The following PCDHA1 variants were observed in gnomAD, a reference collection of about 807,000 sequenced individuals.
The protein encoded by PCDHA1 is protocadherin alpha-1.
PCDHA1 carries 42 observed loss-of-function variants against 61.3 expected under a neutral mutation model. The observed-to-expected ratio is 0.69, with a 90% confidence interval of 0.54 to 0.89. PCDHA1 has a LOEUF of 0.89. PCDHA1 is among the 40% of genes least tolerant of loss of function. The pLI, the probability that PCDHA1 is intolerant of heterozygous loss-of-function variation, is 0.00. For missense variants in PCDHA1, 1,256 were observed against 1,235.3 expected, an observed-to-expected ratio of 1.02 and a Z score of -0.25; for synonymous variants, 610 against 553.8, an observed-to-expected ratio of 1.10 and a Z score of -1.43.
chr5:140,866,441 G>A (rs1313181432), intron 1 of PCDHA1: 1 of 151,728 alleles, frequency 6.6e-6, no homozygotes, highest in African/African-American at 2.4e-5. Flanking sequence ...GTCTTCTTCA[G>A]TCTTATTGTT....
intron 1 of PCDHA1, chr5:140,849,742 A>G: frequency 6.3e-7 from 1 of 1,598,398 alleles, no homozygotes; most frequent in South Asian, 1.1e-5. Context: ...CTGGACCGCG[A>G]GAGTGTGTCC....
chr5:140,847,204 C>G (rs916100190), intron 1 of PCDHA1, among the ~76,000 whole-genome samples: 5 of 149,612 alleles, frequency 3.3e-5, no homozygotes, highest in African/African-American at 1.2e-4. Flanking sequence ...TTTGGCCACT[C>G]TTTAGAATTA....
At chr5:140,830,392 G>T in intron 1 of PCDHA1, 2 of 1,614,160 alleles carry the variant, frequency 1.2e-6, no homozygotes, top group Non-Finnish European at 8.5e-7. Flanking sequence ...CACCCAAGAT[G>T]GATCTCATGG....
rs188796483 is a variant in PCDHA1 at position 140,869,402 on chromosome 5, C to T, written c.2394+80718C>T. On this transcript the variant is annotated intron_variant, in intron 1 of 3. Transcript: ENST00000504120. The stretch of plus-strand genomic sequence containing the variant: ...CGCGAGGAGCTGTGCGGGCAGAGCG[C>T]GGAGTGCAGCATCCACCTGGAGGTG... 9.6e-4 allele frequency: 1,554 copies of T among 1,614,178 alleles called. 9 individuals are homozygous for T. The highest frequency in any genetic ancestry group is 2.2e-4 in the Non-Finnish European group (262 of 1,180,040).
chr5:140,853,310 T>C lies in PCDHA1; in HGVS notation c.2394+64626T>C, dbSNP rs2042704013. On this transcript the variant is annotated intron_variant, in intron 1 of 3. Coordinates refer to ENST00000504120, the MANE Select transcript of PCDHA1 (RefSeq NM_018900.4). ...ATTCTCAGAAGGGCTGTGAACACCT[T>C]AGTAATAAATTTATCTTTTGAGGTC... The C allele has an allele frequency of 3.0e-6, 3 of 983,796 alleles. 1 individual carries two copies. The highest frequency in any genetic ancestry group is 3.7e-6 in the Non-Finnish European group (3 of 816,256). 60.9% of individuals were successfully genotyped at this position (983,796 alleles called of 1,614,324 possible). A position where few individuals can be genotyped will look rare whatever the true frequency, so the allele number is the denominator to read the frequency against.
rs144585858 is a variant in PCDHA1 at position 140,984,129 on chromosome 5, G to A, written c.2542+1566G>A. On this transcript the variant is annotated intron_variant, in intron 3 of 3. Transcript: ENST00000504120. The stretch of plus-strand genomic sequence containing the variant: ...GGTTTTAGACTGCCAAGTGTTGCAG[G>A]ATGTGGAGGCATCTGGGAAGGTGAG... 1.3e-3 allele frequency among the ~76,000 whole-genome samples: 205 copies of A among 152,236 alleles called. 1 individual carries two copies. Among genetic ancestry groups the A allele is most frequent in the Non-Finnish European group, 2.6e-3 (175 of 68,046 alleles).
chr5:140,892,069 A>G (rs1554185062), intron 1 of PCDHA1, among the ~76,000 whole-genome samples: 3 of 152,208 alleles, frequency 2.0e-5, no homozygotes, highest in Non-Finnish European at 2.9e-5. Flanking sequence ...GTTACTTTGT[A>G]TAATTTCTAG....
intron 1 of PCDHA1, chr5:140,842,103 T>C: frequency 6.2e-7 from 1 of 1,613,846 alleles, no homozygotes; most frequent in Non-Finnish European, 8.5e-7. Flanking sequence ...GGAACAACAG[T>C]TATCAAACTG....
At chr5:140,830,447 G>GCGGAGAAT in intron 1 of PCDHA1, 1 of 1,601,744 alleles carries the variant, frequency 6.2e-7, no homozygotes, top group Middle Eastern at 1.7e-4. Flanking sequence ...GATGGGTAAG[G>GCGGAGAAT]CGGAGAATCA....
At chr5:140,940,499 G>T (rs190058542) in intron 1 of PCDHA1, among the ~76,000 whole-genome samples, 3 of 151,756 alleles carry the variant, frequency 2.0e-5, no homozygotes, top group Non-Finnish European at 4.4e-5. Flanking sequence ...GTCTTGCTCC[G>T]TCGCTCAGGC....
rs1554120143 is a variant in PCDHA1, at chr5:140,796,826, C to T, written c.2394+8142C>T. The stretch of plus-strand genomic sequence containing the variant: ...CTGGGTACTGGCAGCGCTCGCATCC[C>T]GTTCCGCGTGGGGCTATACACGGGT... On this transcript the variant is annotated intron_variant, in intron 1 of 3. Transcript: ENST00000504120. 1.9e-6 allele frequency: 3 copies of T among 1,614,116 alleles called. No homozygotes were observed. The highest frequency in any genetic ancestry group is 1.7e-6 in the Non-Finnish European group (2 of 1,179,984).
At chr5:140,805,846 G>A (rs1000448785) in intron 1 of PCDHA1, among the ~76,000 whole-genome samples, 2 of 151,978 alleles carry the variant, frequency 1.3e-5, no homozygotes, top group East Asian at 1.9e-4. Context: ...CTAGATATGC[G>A]ATCACCTTAA....
At chr5:140,995,106 G>C (rs1318120210) in intron 3 of PCDHA1, among the ~76,000 whole-genome samples, 6 of 152,180 alleles carry the variant, frequency 3.9e-5, no homozygotes, top group East Asian at 1.9e-4. Context: ...TACATTCCAA[G>C]ACCCTCAGTG....
In PCDHA1 at chr5:140,857,002, T is replaced by G. The variant is rs1215860604; in HGVS notation, c.2394+68318T>G. On this transcript the variant is annotated intron_variant, in intron 1 of 3. Transcript: ENST00000504120. ...AGGACAGTAACACTTATGAAATTCATGTAGATGTTACAGATAAGGGAAACC... is the reference window on the plus strand; with the variant it reads ...AGGACAGTAACACTTATGAAATTCAGGTAGATGTTACAGATAAGGGAAACC... 4 of 1,595,276 alleles carry G rather than the reference T, an allele frequency of 2.5e-6. No individual in the cohort carries two copies. In the African/African-American group the frequency reaches 5.4e-5, roughly 22 times the overall value.
rs2150129029 is a variant in PCDHA1, at chr5:140,823,775, C to T, written c.2394+35091C>T. On this transcript the variant is annotated intron_variant, in intron 1 of 3. Coordinates refer to ENST00000504120, the MANE Select transcript of PCDHA1 (RefSeq NM_018900.4). Reference sequence around the variant, plus strand: ...ACAGCCACAGCCACAGTGCTGGTGTCGCTGGTGGAAAGTGGCCAGGCGCCG... The same window carrying T: ...ACAGCCACAGCCACAGTGCTGGTGTTGCTGGTGGAAAGTGGCCAGGCGCCG... 5 of 1,613,850 alleles carry T rather than the reference C, an allele frequency of 3.1e-6. No homozygotes were observed. The South Asian group carries it at 5.5e-5, about 18-fold the overall frequency.
chr5:140,966,318 C>A, intron 1 of PCDHA1: 1 of 389,680 alleles, frequency 2.6e-6, no homozygotes, highest in African/African-American at 2.1e-5. Context: ...TCCTGCGGTC[C>A]GCTGGGATCC....
chr5:140,985,494 C>G (rs1217361161), intron 3 of PCDHA1, among the ~76,000 whole-genome samples: 2 of 152,136 alleles, frequency 1.3e-5, no homozygotes, highest in Non-Finnish European at 2.9e-5. Flanking sequence ...TCAAATAGAG[C>G]CTGCCTTTCA....
intron 1 of PCDHA1, chr5:140,834,576 C>G: frequency 2.5e-6 from 4 of 1,614,098 alleles, no homozygotes; most frequent in Non-Finnish European, 2.5e-6. Flanking sequence ...GCGCCTGTTC[C>G]GGGCGGTGTG....
chr5:140,908,490 G>T (rs149646315), intron 1 of PCDHA1, among the ~76,000 whole-genome samples: 3,582 of 152,250 alleles, frequency 0.024, 49 homozygotes, highest in Middle Eastern at 0.034. Flanking sequence ...GGCAGTTCAG[G>T]TTGCTTGGTG....
Sources: allele counts gnomAD v4.1 joint callset (sites outside exome capture counted in the v4.1 genomes callset), GRCh38; gene constraint gnomAD v4.1.1; transcripts MANE v1.5; gene names NCBI Gene and HGNC (gene_info 2026-07-23, HGNC 2026-07-21).